Variants in MEF2C observed in about 807,000 individuals in gnomAD.
The protein encoded by MEF2C is myocyte enhancer factor 2C.
MEF2C carries 6 observed loss-of-function variants against 50.5 expected under a neutral mutation model. The ratio of observed to expected loss-of-function variants is 0.12; its 90% confidence interval spans 0.07 to 0.23. The LOEUF is 0.23. Among genes scored for constraint, MEF2C ranks in the 10% least tolerant of loss-of-function variants. The pLI, the probability that MEF2C is intolerant of heterozygous loss-of-function variation, is 1.00. For synonymous variants in MEF2C, 183 were observed against 228.0 expected, an observed-to-expected ratio of 0.80 and a Z score of 1.78; for missense variants, 276 against 605.0, an observed-to-expected ratio of 0.46 and a Z score of 5.70.
At chr5:88,877,161 T>C (rs1474658333) in intron 1 of MEF2C, among the ~76,000 whole-genome samples, 1 of 152,042 alleles carries the variant, frequency 6.6e-6, no homozygotes, top group Non-Finnish European at 1.5e-5. Context: ...TAATGATTCC[T>C]GAAGAAATCT....
At chr5:88,815,186 C>CA (rs1804759717) in intron 2 of MEF2C, among the ~76,000 whole-genome samples, 1 of 152,020 alleles carries the variant, frequency 6.6e-6, no homozygotes, top group Non-Finnish European at 1.5e-5. Flanking sequence ...TCAACAAAGC[C>CA]AAATGTACCT....
chr5:88,795,830 T>C (rs1035306715), intron 3 of MEF2C, among the ~76,000 whole-genome samples: 2 of 152,220 alleles, frequency 1.3e-5, no homozygotes, highest in Non-Finnish European at 2.9e-5. Flanking sequence ...ACCTAGTTTA[T>C]TGCGAGTTTT....
chr5:88,846,715 C>A (rs186927473), intron 1 of MEF2C, among the ~76,000 whole-genome samples: 8 of 152,252 alleles, frequency 5.3e-5, no homozygotes. Flanking sequence ...CTTCTTTTTT[C>A]TACTGCATAA....
chr5:88,888,504 TGTTA>T (rs1004284037), intron 1 of MEF2C, among the ~76,000 whole-genome samples: 2 of 152,154 alleles, frequency 1.3e-5, no homozygotes, highest in African/African-American at 4.8e-5. Flanking sequence ...ACTTTATGGG[TGTTA>T]GTTGAGTTTA....
In MEF2C at chr5:88,846,758, A is replaced by T. The variant is rs376513477; in HGVS notation, c.-142-22828T>A. Among the ~76,000 whole-genome samples, 11 of 152,166 alleles carry T rather than the reference A, an allele frequency of 7.2e-5. No individual in the cohort carries two copies. In the South Asian group the frequency reaches 2.3e-3, roughly 32 times the overall value. On this transcript the variant is annotated intron_variant, in intron 1 of 10. Transcript: ENST00000504921. ...CCTCTAAATGTACACTGACAAACTGAGGTGAGTGAATATGTTTTTCCAAAA... is the reference window on the plus strand; with the variant it reads ...CCTCTAAATGTACACTGACAAACTGTGGTGAGTGAATATGTTTTTCCAAAA...
At chr5:88,725,874 A>G (rs1377573688) in intron 10 of MEF2C, among the ~76,000 whole-genome samples, 1 of 152,142 alleles carries the variant, frequency 6.6e-6, no homozygotes, top group Non-Finnish European at 1.5e-5. Flanking sequence ...CTTCCAGAAA[A>G]CAGGCTGCCC....
chr5:88,734,219 T>C (rs1385492215), intron 6 of MEF2C: 5 of 985,214 alleles, frequency 5.1e-6, no homozygotes, highest in African/African-American at 1.7e-5. Flanking sequence ...TTCTGCTCTA[T>C]ACTTTGCTGT....
At chr5:88,886,110 T>A (rs1430122367), upstream of MEF2C, among the ~76,000 whole-genome samples, 1 of 152,166 alleles carries the variant, frequency 6.6e-6, no homozygotes, top group Admixed American at 6.5e-5. Context: ...CTCAGCAGAT[T>A]TAGCTTCTTA....
intron 2 of MEF2C, among the ~76,000 whole-genome samples, chr5:88,808,176 TTC>T (rs1407948124): frequency 6.6e-6 from 1 of 152,190 alleles, no homozygotes; most frequent in Non-Finnish European, 1.5e-5. Flanking sequence ...CTTTTAATAT[TTC>T]TTTTAGATCC....
At chr5:88,757,872 C>T (rs913900407) in intron 4 of MEF2C, among the ~76,000 whole-genome samples, 2 of 152,088 alleles carry the variant, frequency 1.3e-5, no homozygotes, top group African/African-American at 4.8e-5. Flanking sequence ...GCCAGGATCA[C>T]GCCGTTGCAC....
intron 1 of MEF2C, chr5:88,825,650 A>C (rs915094178): frequency 1.0e-6 from 1 of 984,686 alleles, no homozygotes; most frequent in Non-Finnish European, 1.2e-6. Context: ...GACACTGTCC[A>C]TCTATTTTTA....
chr5:88,885,074 T>C (rs1833930923), upstream of MEF2C, among the ~76,000 whole-genome samples: 1 of 152,206 alleles, frequency 6.6e-6, no homozygotes, highest in Non-Finnish European at 1.5e-5. Context: ...TATTGAAATA[T>C]CTAGCTAACT....
intron 1 of MEF2C, among the ~76,000 whole-genome samples, chr5:88,871,311 T>G (rs1477798068): frequency 1.3e-5 from 2 of 151,990 alleles, no homozygotes; most frequent in Non-Finnish European, 2.9e-5. Flanking sequence ...TCTAAGCCCA[T>G]GTGCCTTAGA....
intron 1 of MEF2C, among the ~76,000 whole-genome samples, chr5:88,864,089 T>A (rs1375824269): frequency 6.6e-6 from 1 of 151,790 alleles, no homozygotes; most frequent in Non-Finnish European, 1.5e-5. Flanking sequence ...CCCGAAGTGC[T>A]GGGATTATGG....
chr5:88,853,892 C>A (rs1822298173), intron 1 of MEF2C, among the ~76,000 whole-genome samples: 1 of 152,144 alleles, frequency 6.6e-6, no homozygotes, highest in South Asian at 2.1e-4. Context: ...CCTAATAAAT[C>A]ATAAATGTGT....
Position 88,743,079 on chromosome 5 carries a change from C to T in MEF2C, c.637+5991G>A, listed in dbSNP as rs891168360. ...AACAATTCAAACTAATGGAACAATA[C>T]TTTCAAAACAGAACCCAACTATTAA... On this transcript the variant is annotated intron_variant, in intron 6 of 10. Transcript: ENST00000504921. 6.2e-6 allele frequency: 6 copies of T among 973,172 alleles called. No homozygotes were observed. The South Asian group carries it at 2.4e-4, about 39-fold the overall frequency. 60.3% of individuals were successfully genotyped at this position (973,172 alleles called of 1,614,324 possible).
chr5:88,888,722 T>G (rs531380576), intron 1 of MEF2C, among the ~76,000 whole-genome samples: 464 of 84,718 alleles, frequency 5.5e-3, no homozygotes, highest in Non-Finnish European at 8.2e-3. Context: ...ATGGTAAGGT[T>G]TTTTTTTTTT....
In MEF2C at chr5:88,876,267, GTTC is replaced by G. The variant is rs553796739; in HGVS notation, c.-143+6685_-143+6687del. On this transcript the variant is annotated intron_variant, in intron 1 of 10. Coordinates refer to ENST00000504921, the MANE Select transcript of MEF2C (RefSeq NM_002397.5). ...GGACCACTATATTCTTAAAATGTGT[GTTC>G]TTCTGTGTGTGTGTGTTCATTCATT... Among the ~76,000 whole-genome samples the G allele has an allele frequency of 9.9e-4, 150 of 151,916 alleles. 1 individual carries two copies. The highest frequency in any genetic ancestry group is 3.4e-3 in the African/African-American group (141 of 41,472).
At chr5:88,764,708 T>A (rs1779240049) in intron 3 of MEF2C, among the ~76,000 whole-genome samples, 1 of 145,442 alleles carries the variant, frequency 6.9e-6, no homozygotes, top group South Asian at 2.1e-4. Context: ...CTTGGGAGGC[T>A]GACACAGGAA....
Sources: gnomAD v4.1 joint callset for allele counts (sites outside exome capture counted in the v4.1 genomes callset) on GRCh38, gnomAD v4.1.1 for gene constraint, MANE v1.5 for transcripts, NCBI Gene and HGNC (gene_info 2026-07-23, HGNC 2026-07-21) for gene names.